IMMP2L: variants seen among roughly 807,000 people sequenced by gnomAD.
The protein encoded by IMMP2L is inner mitochondrial membrane peptidase subunit 2, also known as mitochondrial inner membrane protease subunit 2.
In IMMP2L, 18 loss-of-function variants were observed where a neutral mutation model predicts 19.3. The observed-to-expected ratio is 0.93, with a 90% confidence interval of 0.64 to 1.38. The LOEUF is 1.38. IMMP2L is among the 40% of genes most tolerant of loss of function. IMMP2L has a pLI of 0.00. For synonymous variants in IMMP2L, 76 were observed against 73.0 expected, an observed-to-expected ratio of 1.04 and a Z score of -0.21; for missense variants, 233 against 218.2, an observed-to-expected ratio of 1.07 and a Z score of -0.43.
At chr7:110,771,966 G>T (rs985758890) in intron 5 of IMMP2L, among the ~76,000 whole-genome samples, 2 of 152,148 alleles carry the variant, frequency 1.3e-5, no homozygotes, top group Non-Finnish European at 2.9e-5. Context: ...GTATTAAAGA[G>T]AACTCTTAGT....
chr7:110,818,577 C>G (rs1434556721), intron 5 of IMMP2L, among the ~76,000 whole-genome samples: 2 of 152,106 alleles, frequency 1.3e-5, no homozygotes, highest in Non-Finnish European at 2.9e-5. Flanking sequence ...GGATCTAGAA[C>G]TAGAAATACC....
At chr7:110,868,389 C>T (rs1312850993) in intron 5 of IMMP2L, among the ~76,000 whole-genome samples, 1 of 151,982 alleles carries the variant, frequency 6.6e-6, no homozygotes, top group Non-Finnish European at 1.5e-5. Flanking sequence ...GCTAGTTTAG[C>T]GATAAGCACC....
At chr7:110,749,809 A>G (rs1797611743) in intron 5 of IMMP2L, among the ~76,000 whole-genome samples, 1 of 152,094 alleles carries the variant, frequency 6.6e-6, no homozygotes. Context: ...GATGGGTTGA[A>G]TGGGTGCAGC....
chr7:111,129,455 T>C (rs1184304116), intron 3 of IMMP2L, among the ~76,000 whole-genome samples: 1 of 151,232 alleles, frequency 6.6e-6, no homozygotes, highest in Admixed American at 6.6e-5. Context: ...TATATTACTA[T>C]ATTTAAGGGT....
rs529799304 is a variant in IMMP2L at position 110,997,258 on chromosome 7, T to C, written c.240-33693A>G. Among the ~76,000 whole-genome samples the C allele has an allele frequency of 7.9e-5, 12 of 152,272 alleles. No individual in the cohort carries two copies. In the South Asian group the frequency reaches 1.9e-3, roughly 24 times the overall value. On this transcript the variant is annotated intron_variant, in intron 3 of 5. Transcript: ENST00000405709. ...CTTTTTATTGCTGAATTGTATTTCA[T>C]GTTATGGATGTATCAGAATTTGTTT...
intron 4 of IMMP2L, among the ~76,000 whole-genome samples, chr7:110,954,057 T>C (rs1226004642): frequency 2.0e-5 from 3 of 152,136 alleles, no homozygotes; most frequent in Non-Finnish European, 2.9e-5. Flanking sequence ...GAAGAATATA[T>C]ACCAGACATA....
intron 5 of IMMP2L, among the ~76,000 whole-genome samples, chr7:110,759,834 T>G (rs1294676074): frequency 6.6e-6 from 1 of 152,134 alleles, no homozygotes; most frequent in Non-Finnish European, 1.5e-5. Flanking sequence ...GAGTTTATGT[T>G]GTGTGAATTT....
chr7:110,670,032 G>A (rs1055964797), intron 5 of IMMP2L, among the ~76,000 whole-genome samples: 17 of 152,140 alleles, frequency 1.1e-4, no homozygotes, highest in Non-Finnish European at 2.1e-4. Context: ...ATATGTTGAA[G>A]TCTTAACTCC....
intron 3 of IMMP2L, among the ~76,000 whole-genome samples, chr7:111,349,446 A>G (rs1827915868): frequency 6.6e-6 from 1 of 152,172 alleles, no homozygotes; most frequent in Non-Finnish European, 1.5e-5. Context: ...TAAATTTTTG[A>G]GCAAAGTTTA....
intron 3 of IMMP2L, among the ~76,000 whole-genome samples, chr7:111,042,553 C>G (rs751820506): frequency 6.6e-6 from 1 of 152,192 alleles, no homozygotes; most frequent in African/African-American, 2.4e-5. Context: ...GGATAAACAA[C>G]AAGCTCAAGC....
At chr7:111,475,162 T>G (rs1841610703) in intron 3 of IMMP2L, among the ~76,000 whole-genome samples, 1 of 152,160 alleles carries the variant, frequency 6.6e-6, no homozygotes, top group Non-Finnish European at 1.5e-5. Flanking sequence ...ATGTAACCTC[T>G]GAGTATGAGT....
At chr7:110,964,215 T>C (rs1819291663) in intron 3 of IMMP2L, among the ~76,000 whole-genome samples, 1 of 152,060 alleles carries the variant, frequency 6.6e-6, no homozygotes, top group African/African-American at 2.4e-5. Flanking sequence ...TCAGGTAGTA[T>C]CTTTATAGCA....
At chr7:111,205,919 T>G (rs1049858308) in intron 3 of IMMP2L, among the ~76,000 whole-genome samples, 2 of 152,154 alleles carry the variant, frequency 1.3e-5, no homozygotes, top group Admixed American at 6.5e-5. Flanking sequence ...CATAATAACA[T>G]AGAAGAAACT....
At chr7:111,162,637 G>GTT (rs774805607) in intron 3 of IMMP2L, among the ~76,000 whole-genome samples, 8 of 142,346 alleles carry the variant, frequency 5.6e-5, no homozygotes, top group African/African-American at 1.8e-4. Context: ...TGAGCGAGTA[G>GTT]TTTTTTTTTT....
chr7:111,525,304 G>C (rs2132718754), intron 1 of IMMP2L, among the ~76,000 whole-genome samples: 1 of 152,232 alleles, frequency 6.6e-6, no homozygotes, highest in South Asian at 2.1e-4. Flanking sequence ...AGGGAGGCTG[G>C]TGCAGATAAA....
At chr7:111,504,425 C>G (rs1468172156) in intron 2 of IMMP2L, among the ~76,000 whole-genome samples, 1 of 151,094 alleles carries the variant, frequency 6.6e-6, no homozygotes, top group Non-Finnish European at 1.5e-5. Flanking sequence ...CAATGCCATC[C>G]CCATCAAGCT....
intron 3 of IMMP2L, among the ~76,000 whole-genome samples, chr7:111,033,318 C>G (rs1791021061): frequency 1.3e-5 from 2 of 152,116 alleles, no homozygotes; most frequent in South Asian, 4.1e-4. Context: ...ACACTGACTA[C>G]AGCAAATGCT....
intron 2 of IMMP2L, among the ~76,000 whole-genome samples, chr7:111,503,997 A>T (rs1341063682): frequency 6.6e-6 from 1 of 152,126 alleles, no homozygotes; most frequent in East Asian, 1.9e-4. Context: ...AAGGAAATAA[A>T]GGGTATTCAA....
chr7:111,314,438 C>T (rs1455987484), intron 3 of IMMP2L, among the ~76,000 whole-genome samples: 1 of 151,942 alleles, frequency 6.6e-6, no homozygotes, highest in East Asian at 1.9e-4. Flanking sequence ...TAATATATTG[C>T]TCATACAATT....
Sources: gnomAD v4.1 joint callset for allele counts (sites outside exome capture counted in the v4.1 genomes callset) on GRCh38, gnomAD v4.1.1 for gene constraint, MANE v1.5 for transcripts, NCBI Gene and HGNC (gene_info 2026-07-23, HGNC 2026-07-21) for gene names.